Variants in MESP1 observed in about 807,000 individuals in gnomAD.
MESP1 encodes the protein mesoderm posterior bHLH transcription factor 1.
A neutral mutation model predicts 15.2 loss-of-function variants in MESP1; 22 were observed. The ratio of observed to expected loss-of-function variants is 1.45; its 90% CI spans 1.04 to 2.07. The LOEUF is 2.07. Among genes scored for constraint, MESP1 ranks in the 30% most tolerant of loss-of-function variants. The pLI, the probability that MESP1 is intolerant of heterozygous loss-of-function variation, is 0.00. For synonymous variants in MESP1, 216 were observed against 192.6 expected, an observed-to-expected ratio of 1.12 and a Z score of -1.01; for missense variants, 484 against 411.9, an observed-to-expected ratio of 1.17 and a Z score of -1.51.
At chr15:89,749,384 G>A (rs1376725044), downstream of MESP1, 1 of 152,142 alleles carries the variant, frequency 6.6e-6, no homozygotes, top group Non-Finnish European at 1.5e-5. Context: ...AAGACCACAG[G>A]ATGCAAGAAA....
At chr15:89,743,818 T>A in the MESP1 span, among the ~76,000 whole-genome samples, 1 of 152,122 alleles carries the variant, frequency 6.6e-6, no homozygotes, top group African/African-American at 2.4e-5. Flanking sequence ...CCCCACCCAT[T>A]TCTCCCTCCC....
downstream of MESP1, among the ~76,000 whole-genome samples, chr15:89,747,573 T>G (rs1324247331): frequency 1.3e-5 from 2 of 152,136 alleles, no homozygotes; most frequent in Non-Finnish European, 2.9e-5. Flanking sequence ...CACTCCACAG[T>G]GGGGCACCCT....
At chr15:89,749,777 G>A (rs185608291), downstream of MESP1, 7 of 224,988 alleles carry the variant, frequency 3.1e-5, no homozygotes, top group East Asian at 4.7e-4. Flanking sequence ...GGGTCGGGGG[G>A]CTAAAGATTG....
At chr15:89,750,421 C>T in intron 1 of MESP1, 88 bp downstream of exon 1, 5 of 1,457,828 alleles carry the variant, frequency 3.4e-6, no homozygotes, top group Non-Finnish European at 4.5e-6. Flanking sequence ...CGGCGGGGAG[C>T]AGCAGGGTGC....
Position 89,750,810 on chromosome 15 carries a change from C to A in MESP1, c.422G>T (p.Gly141Val). Reference protein sequence around the residue: ...RYIGHLSAVLGLSEESLQRRC... With the variant: ...RYIGHLSAVLVLSEESLQRRC... ...GCGCTGGAGACTCTCCTCGCTGAGG[C>A]CTAGCACGGCCGACAGGTGGCCGAT... The change falls in exon 1 of 2, where the codon GGC becomes GTC. Residue 141 changes from glycine to valine, a missense_variant. Gly to Val is a moderately radical substitution (Grantham distance 109, BLOSUM62 -3). Transcript: ENST00000300057. The A allele has an allele frequency of 6.5e-7, 1 of 1,529,552 alleles. No homozygotes were observed. Among genetic ancestry groups the A allele is most frequent in the Non-Finnish European group, 8.7e-7 (1 of 1,144,670 alleles). 94.7% of individuals were successfully genotyped at this position (1,529,552 alleles called of 1,614,324 possible). A position where few individuals can be genotyped will look rare whatever the true frequency, so the allele number is the denominator to read the frequency against.
At position 89,751,048 on chromosome 15, in the gene MESP1, G is replaced by C. The variant is rs1193398468; in HGVS notation, c.184C>G (p.Arg62Gly). 4 of 1,339,030 alleles carry C rather than the reference G, an allele frequency of 3.0e-6. No individual in the cohort carries two copies. Among genetic ancestry groups the C allele is most frequent in the Non-Finnish European group, 3.8e-6 (4 of 1,052,818 alleles). 82.9% of individuals were successfully genotyped at this position (1,339,030 alleles called of 1,614,324 possible). Residue 62 changes from arginine (R) to glycine (G), a missense_variant, in exon 1 of 2, where the codon CGG becomes GGG. Physicochemically the swap from Arg to Gly is moderately radical, Grantham distance 125. Transcript: ENST00000300057. ...CCTACGGAGGGGGCGCGGGGGTCCC[G>C]GAGGGTGCCTGGCCGCGCGGGGCTC... ...VASPARPGTL[R>G]DPRAPSVGRR...
chr15:89,743,340 C>A, the MESP1 span: 1 of 1,614,178 alleles, frequency 6.2e-7, no homozygotes, highest in South Asian at 1.1e-5. Context: ...AGCACTGGGC[C>A]CGGCTTCAGA....
chr15:89,743,550 T>C, the MESP1 span: 1 of 651,528 alleles, frequency 1.5e-6, no homozygotes, highest in Non-Finnish European at 2.6e-6. Context: ...AAAAGTATAA[T>C]CTGGGGGACC....
the MESP1 span, among the ~76,000 whole-genome samples, chr15:89,743,084 G>T: frequency 6.6e-6 from 1 of 152,168 alleles, no homozygotes; most frequent in Non-Finnish European, 1.5e-5. Flanking sequence ...CACCTCACAG[G>T]TAAGAATGCT....
At chr15:89,741,237 AT>A in the MESP1 span, among the ~76,000 whole-genome samples, 1 of 152,122 alleles carries the variant, frequency 6.6e-6, no homozygotes, top group Admixed American at 6.5e-5. Flanking sequence ...ATTTTATTTT[AT>A]TTTTATTTTG....
At chr15:89,736,512 T>C in the MESP1 span, among the ~76,000 whole-genome samples, 3 of 152,030 alleles carry the variant, frequency 2.0e-5, no homozygotes, top group African/African-American at 7.2e-5. Context: ...CCATGGGCAC[T>C]ACCATCACTT....
At chr15:89,747,530 C>T (rs1268814365), downstream of MESP1, among the ~76,000 whole-genome samples, 2 of 152,236 alleles carry the variant, frequency 1.3e-5, no homozygotes, top group Admixed American at 6.5e-5. Flanking sequence ...CTTCTCACTA[C>T]TCCCTCCACG....
chr15:89,737,102 T>C, the MESP1 span, among the ~76,000 whole-genome samples: 1 of 152,122 alleles, frequency 6.6e-6, no homozygotes, highest in Non-Finnish European at 1.5e-5. Flanking sequence ...AAGGGGACTT[T>C]CTAAGGATGG....
chr15:89,747,101 TACACACACACACACACACACACAC>T (rs539868537), downstream of MESP1, among the ~76,000 whole-genome samples: 5 of 127,580 alleles, frequency 3.9e-5, no homozygotes, highest in African/African-American at 1.5e-4. Context: ...CACTGCCACA[TACACACACACACACACACACACAC>T]ACACACACAC....
At chr15:89,747,628 T>C (rs561185406), downstream of MESP1, among the ~76,000 whole-genome samples, 1 of 152,282 alleles carries the variant, frequency 6.6e-6, no homozygotes, top group South Asian at 2.1e-4. Flanking sequence ...TACCCTCTGT[T>C]CTTGAGACAA....
chr15:89,743,344 C>T, the MESP1 span: 8 of 1,614,070 alleles, frequency 5.0e-6, no homozygotes, highest in South Asian at 8.8e-5. Flanking sequence ...CTGGGCCCGG[C>T]TTCAGAGGTA....
rs755649154 is a variant in MESP1 at position 89,750,165 on chromosome 15, C to A, written c.786G>T (p.Trp262Cys). ...CTTGTCACTTGGGCTCCTCAGGCAG[C>A]CACTCCAGAGGCGAGAGGGGCATCC... ...ETWMPLSPLE[W>C]LPEEPK The change falls in exon 2 of 2, where the codon TGG (tryptophan) becomes TGT (cysteine). Residue 262 changes from tryptophan (W) to cysteine (C), a missense_variant. By Grantham distance (215) the Trp-to-Cys change is radical. Coordinates refer to ENST00000300057, the MANE Select transcript of MESP1 (RefSeq NM_018670.4). 20 of 1,613,936 alleles carry A rather than the reference C, an allele frequency of 1.2e-5. No individual in the cohort carries two copies. Among genetic ancestry groups the A allele is most frequent in the African/African-American group, 4.0e-5 (3 of 74,936 alleles).
At chr15:89,749,598 A>T (rs887947750), downstream of MESP1, 3 of 155,040 alleles carry the variant, frequency 1.9e-5, no homozygotes, top group African/African-American at 7.2e-5. Context: ...TTCTACACAG[A>T]TATTTTGGTT....
the MESP1 span, among the ~76,000 whole-genome samples, chr15:89,737,023 C>T: frequency 1.5e-4 from 23 of 152,158 alleles, no homozygotes; most frequent in Admixed American, 1.4e-3. Flanking sequence ...GATCTCCTGA[C>T]CTCGTGATCC....
Sources: allele counts gnomAD v4.1 joint callset (sites outside exome capture counted in the v4.1 genomes callset), GRCh38; gene constraint gnomAD v4.1.1; transcripts MANE v1.5; gene names NCBI Gene and HGNC (gene_info 2026-07-23, HGNC 2026-07-21).